Variants in PARD3B observed in about 807,000 individuals in gnomAD.
PARD3B encodes the protein par-3 family cell polarity regulator beta.
In PARD3B, 103 loss-of-function variants were observed where a neutral mutation model predicts 130.2. The ratio of observed to expected loss-of-function variants is 0.79; its 90% CI spans 0.67 to 0.93. PARD3B has a LOEUF of 0.93. Ranked by LOEUF, PARD3B falls within the 40% of genes least tolerant of loss-of-function variation. PARD3B has a pLI of 0.00. For synonymous variants in PARD3B, 583 were observed against 553.2 expected, an observed-to-expected ratio of 1.05 and a Z score of -0.76; for missense variants, 1,609 against 1,499.2, an observed-to-expected ratio of 1.07 and a Z score of -1.21.
At chr2:205,079,927 T>C (rs945752511) in intron 4 of PARD3B, among the ~76,000 whole-genome samples, 18 of 152,162 alleles carry the variant, frequency 1.2e-4, no homozygotes, top group African/African-American at 4.3e-4. Context: ...TACCCAGAAA[T>C]CAACCATTTT....
intron 15 of PARD3B, among the ~76,000 whole-genome samples, chr2:205,217,133 T>C (rs1227130790): frequency 6.6e-6 from 1 of 152,176 alleles, no homozygotes; most frequent in Non-Finnish European, 1.5e-5. Context: ...CTCTTATTCA[T>C]TGGCCAGGAC....
intron 18 of PARD3B, among the ~76,000 whole-genome samples, chr2:205,318,420 A>G (rs568568835): frequency 1.1e-4 from 17 of 152,302 alleles, no homozygotes; most frequent in Admixed American, 9.8e-4. Flanking sequence ...TGTTATTCCC[A>G]TACTATGAGG....
intron 2 of PARD3B, among the ~76,000 whole-genome samples, chr2:204,960,152 C>A (rs929927285): frequency 6.6e-6 from 1 of 152,210 alleles, no homozygotes; most frequent in African/African-American, 2.4e-5. Flanking sequence ...TCTCCACTTG[C>A]TGTGAAGTTT....
chr2:205,035,021 C>T lies in PARD3B; in HGVS notation c.395-12560C>T, dbSNP rs143137441. ...ACAGGCATGCGTGCGCCACCACGCC[C>T]GGCTGATTTTTTTGTACTTTTAGTA... is the stretch of plus-strand genomic sequence containing the variant. On this transcript the variant is annotated intron_variant, in intron 3 of 22. Transcript: ENST00000406610. Among the ~76,000 whole-genome samples the T allele has an allele frequency of 1.2e-3, 175 of 152,020 alleles. 1 individual carries two copies. Among genetic ancestry groups the T allele is most frequent in the African/African-American group, 3.8e-3 (158 of 41,512 alleles).
chr2:204,707,666 A>T (rs1389897235), intron 2 of PARD3B, among the ~76,000 whole-genome samples: 1 of 152,156 alleles, frequency 6.6e-6, no homozygotes, highest in Non-Finnish European at 1.5e-5. Context: ...ACAGGATTGC[A>T]ATAAGCCCTT....
intron 2 of PARD3B, among the ~76,000 whole-genome samples, chr2:204,925,457 C>G (rs1687531819): frequency 6.6e-6 from 1 of 151,884 alleles, no homozygotes; most frequent in Non-Finnish European, 1.5e-5. Flanking sequence ...CTCCTTGAGT[C>G]CATGTGACGA....
chr2:204,826,523 A>G (rs2043581141), intron 2 of PARD3B, among the ~76,000 whole-genome samples: 2 of 152,200 alleles, frequency 1.3e-5, no homozygotes, highest in South Asian at 4.1e-4. Context: ...AATTTACATA[A>G]AGATATTCAG....
chr2:205,022,027 C>T (rs1324996488), intron 3 of PARD3B, among the ~76,000 whole-genome samples: 2 of 152,112 alleles, frequency 1.3e-5, no homozygotes, highest in Non-Finnish European at 2.9e-5. Context: ...ATTACTCTTA[C>T]TTTCATAATT....
chr2:204,605,118 A>G (rs367700158), intron 1 of PARD3B, among the ~76,000 whole-genome samples: 9 of 152,198 alleles, frequency 5.9e-5, no homozygotes, highest in African/African-American at 2.2e-4. Context: ...AGAGCCAAGC[A>G]GAGCTGCAAG....
Position 205,268,071 on chromosome 2 carries a change from A to C in PARD3B, c.2185+22249A>C, listed in dbSNP as rs1183493376. Among the ~76,000 whole-genome samples, 1 of 152,198 alleles carries C rather than the reference A, an allele frequency of 6.6e-6. No individual in the cohort carries two copies. The highest frequency in any genetic ancestry group is 2.4e-5 in the African/African-American group (1 of 41,464). On this transcript the variant is annotated intron_variant, in intron 16 of 22. Coordinates refer to ENST00000406610, the MANE Select transcript of PARD3B (RefSeq NM_001302769.2). This position sits in a 1 kb window ranked among gnomAD's most constrained non-coding sequence, Gnocchi z 4.1. ...CCAGGACCTTTAGCTAGTGAGCCCTAGTGAACATAGCCATCATTCAACTCC... is the reference window on the plus strand; with the variant it reads ...CCAGGACCTTTAGCTAGTGAGCCCTCGTGAACATAGCCATCATTCAACTCC...
chr2:205,104,816 T>C (rs771958096), intron 5 of PARD3B, among the ~76,000 whole-genome samples: 98 of 152,334 alleles, frequency 6.4e-4, no homozygotes, highest in Admixed American at 1.4e-3. Context: ...TCAGAGGTCA[T>C]TGTGGTGGTT....
chr2:205,171,241 T>C (rs1197315659), intron 11 of PARD3B, among the ~76,000 whole-genome samples: 1 of 152,138 alleles, frequency 6.6e-6, no homozygotes, highest in Admixed American at 6.5e-5. Flanking sequence ...TACCTGAGTG[T>C]AGAATAGGTA....
chr2:204,886,739 G>T (rs545534163), intron 2 of PARD3B, among the ~76,000 whole-genome samples: 1 of 152,128 alleles, frequency 6.6e-6, no homozygotes, highest in Non-Finnish European at 1.5e-5. Context: ...CCATAAAAAC[G>T]ATTTGGTTCA....
intron 18 of PARD3B, among the ~76,000 whole-genome samples, chr2:205,372,195 T>A (rs1159773629): frequency 6.6e-6 from 1 of 152,218 alleles, no homozygotes; most frequent in East Asian, 1.9e-4. Flanking sequence ...TTTCTGGGTA[T>A]ATGGTGACTC....
intron 18 of PARD3B, among the ~76,000 whole-genome samples, chr2:205,389,564 T>C (rs2045778934): frequency 6.6e-6 from 1 of 152,114 alleles, no homozygotes; most frequent in South Asian, 2.1e-4. Context: ...GGTTTCACCA[T>C]GTTGGCCAGG....
chr2:204,800,587 A>G (rs1318221813), intron 2 of PARD3B, among the ~76,000 whole-genome samples: 1 of 152,178 alleles, frequency 6.6e-6, no homozygotes, highest in Non-Finnish European at 1.5e-5. Flanking sequence ...TTTAATAATC[A>G]AACTCCCAAA....
At chr2:205,030,568 G>C (rs1697344085) in intron 3 of PARD3B, among the ~76,000 whole-genome samples, 1 of 152,068 alleles carries the variant, frequency 6.6e-6, no homozygotes, top group African/African-American at 2.4e-5. Context: ...AAATATTGAT[G>C]TTGTTAAGCA....
At chr2:205,499,779 A>T (rs2050089180) in intron 20 of PARD3B, 117 bp from the exon 21 acceptor site, 1 of 1,182,046 alleles carries the variant, frequency 8.5e-7, no homozygotes, top group African/African-American at 1.5e-5. Context: ...GGCATATTTG[A>T]ATTACATTAT....
At chr2:204,794,403 A>C (rs2042299321) in intron 2 of PARD3B, among the ~76,000 whole-genome samples, 1 of 152,162 alleles carries the variant, frequency 6.6e-6, no homozygotes, top group Non-Finnish European at 1.5e-5. Context: ...CATTGTTTTG[A>C]CTGTGTCTGC....
Sources: allele counts gnomAD v4.1 joint callset (sites outside exome capture counted in the v4.1 genomes callset), GRCh38; gene constraint gnomAD v4.1.1; non-coding constraint Gnocchi (gnomAD v3.1); transcripts MANE v1.5; gene names NCBI Gene and HGNC (gene_info 2026-07-23, HGNC 2026-07-21).